The following TENT4B variants were observed in gnomAD, a reference collection of about 807,000 sequenced individuals.
TENT4B encodes PAP associated domain containing 5.
A neutral mutation model predicts 75.0 loss-of-function variants in TENT4B; 10 were observed. That is an observed-to-expected ratio of 0.13 (90% CI 0.08 to 0.23). The LOEUF is 0.23. Ranked by LOEUF, TENT4B falls within the 10% of genes least tolerant of loss-of-function variation. TENT4B has a pLI of 1.00. For missense variants in TENT4B, 579 were observed against 893.8 expected (o/e 0.65, Z 4.49); for synonymous variants, 350 against 357.7 (o/e 0.98, Z 0.24).
chr16:50,208,943 A>G (rs1413890701), intron 1 of TENT4B, among the ~76,000 whole-genome samples: 1 of 152,138 alleles, frequency 6.6e-6, no homozygotes, highest in Admixed American at 6.5e-5. Flanking sequence ...TGTTGGCCAG[A>G]TGGTCTCCAA....
chr16:50,159,496 G>A (rs1010977124), intron 1 of TENT4B, among the ~76,000 whole-genome samples: 4 of 151,824 alleles, frequency 2.6e-5, no homozygotes, highest in East Asian at 1.9e-4. Flanking sequence ...TGCCTCGGCC[G>A]CCCAAAGTGC....
At chr16:50,173,001 C>T (rs2038235127) in intron 1 of TENT4B, among the ~76,000 whole-genome samples, 1 of 151,888 alleles carries the variant, frequency 6.6e-6, no homozygotes, top group Admixed American at 6.6e-5. Flanking sequence ...AGTGCAGTGG[C>T]GCAATCTTGG....
At chr16:50,208,258 G>A (rs927669139) in intron 1 of TENT4B, among the ~76,000 whole-genome samples, 2 of 152,176 alleles carry the variant, frequency 1.3e-5, no homozygotes, top group African/African-American at 4.8e-5. Flanking sequence ...TAGGAAGGTG[G>A]TGCCATGGGC....
intron 1 of TENT4B, among the ~76,000 whole-genome samples, chr16:50,177,722 A>G (rs968879674): frequency 7.9e-5 from 12 of 151,864 alleles, no homozygotes; most frequent in African/African-American, 2.4e-4. Flanking sequence ...TTTGTTTTCA[A>G]TTTAATTGAT....
At chr16:50,173,444 C>T (rs77586504) in intron 1 of TENT4B, among the ~76,000 whole-genome samples, 5,618 of 152,178 alleles carry the variant, frequency 0.037, 161 homozygotes, top group Middle Eastern at 0.095. Flanking sequence ...ATTGTTGGAT[C>T]GTATGGTAAG....
intron 6 of TENT4B, 124 bp downstream of exon 6, chr16:50,222,558 G>A (rs2031876432): frequency 3.1e-6 from 3 of 975,742 alleles, no homozygotes; most frequent in Non-Finnish European, 4.5e-6. Flanking sequence ...ATTACTTAAC[G>A]GCTTTTCCCT....
intron 1 of TENT4B, among the ~76,000 whole-genome samples, chr16:50,190,831 G>T (rs1480751432): frequency 6.6e-6 from 1 of 151,866 alleles, no homozygotes; most frequent in Non-Finnish European, 1.5e-5. Flanking sequence ...TCCTCCATTT[G>T]AAACTCTGTA....
At chr16:50,181,560 C>T (rs1490029061) in intron 1 of TENT4B, among the ~76,000 whole-genome samples, 1 of 151,342 alleles carries the variant, frequency 6.6e-6, no homozygotes, top group East Asian at 1.9e-4. Flanking sequence ...CTGCCTCGGC[C>T]TTCCAGAGTG....
chr16:50,209,051 G>A (rs1353821124), intron 1 of TENT4B, among the ~76,000 whole-genome samples: 1 of 152,122 alleles, frequency 6.6e-6, no homozygotes, highest in African/African-American at 2.4e-5. Context: ...TTCTTAATAA[G>A]TTTCTTATGA....
chr16:50,160,308 C>A (rs901507589), intron 1 of TENT4B, among the ~76,000 whole-genome samples: 1 of 152,014 alleles, frequency 6.6e-6, no homozygotes, highest in African/African-American at 2.4e-5. Flanking sequence ...TTTTTTTCCC[C>A]CTTCGTCTTT....
intron 1 of TENT4B, among the ~76,000 whole-genome samples, chr16:50,183,334 G>A (rs1034997855): frequency 3.3e-5 from 5 of 151,950 alleles, no homozygotes; most frequent in Admixed American, 6.6e-5. Context: ...GTGAGCCACC[G>A]TGCCTGGCTG....
chr16:50,193,392 C>G (rs1209775490), intron 1 of TENT4B, among the ~76,000 whole-genome samples: 1 of 136,524 alleles, frequency 7.3e-6, no homozygotes, highest in Admixed American at 8.4e-5. Flanking sequence ...GGCTGGAGTG[C>G]AGTGGCACGA....
chr16:50,228,845 G>T (rs1022030295), intron 11 of TENT4B, among the ~76,000 whole-genome samples: 1 of 152,188 alleles, frequency 6.6e-6, no homozygotes, highest in Admixed American at 6.5e-5. Context: ...TTCCCGCTCT[G>T]TCACTTATGA....
At chr16:50,173,523 C>A (rs908649089) in intron 1 of TENT4B, among the ~76,000 whole-genome samples, 38 of 152,166 alleles carry the variant, frequency 2.5e-4, no homozygotes, top group African/African-American at 8.2e-4. Context: ...TGCATTCCCA[C>A]CAGCAATGAA....
At chr16:50,153,300 C>G (rs958040082), upstream of TENT4B, among the ~76,000 whole-genome samples, 2 of 142,894 alleles carry the variant, frequency 1.4e-5, no homozygotes, top group Admixed American at 7.0e-5. Context: ...GCCGCCGCCG[C>G]TCGCTCTTCT....
chr16:50,222,544 C>T (rs1179915076), intron 6 of TENT4B, 110 bp downstream of exon 6: 2 of 1,137,936 alleles, frequency 1.8e-6, no homozygotes, highest in Non-Finnish European at 2.5e-6. Context: ...CATTGCTTTC[C>T]TTGATTACTT....
intron 1 of TENT4B, among the ~76,000 whole-genome samples, chr16:50,194,713 A>T (rs1171613598): frequency 1.4e-5 from 2 of 147,474 alleles, no homozygotes; most frequent in South Asian, 4.3e-4. Context: ...CAGTAGCTGG[A>T]ACTACAGGCG....
Position 50,233,751 on chromosome 16 carries a change from A to T in TENT4B, c.*4423A>T. ...TTAAGTGTGTACTTTATTGAGTTTAACCTTGTCTGTAGCCTAGTAGCCTGA... is the reference window on the plus strand; with the variant it reads ...TTAAGTGTGTACTTTATTGAGTTTATCCTTGTCTGTAGCCTAGTAGCCTGA... On this transcript the variant is annotated 3_prime_UTR_variant, in exon 12 of 12. Transcript: ENST00000561678. 1.0e-6 allele frequency: 1 copy of T among 985,292 alleles called. No homozygotes were observed. The highest frequency in any genetic ancestry group is 1.2e-6 in the Non-Finnish European group (1 of 829,922). The allele number at this position is 985,292 out of a possible 1,614,324, so 61.0% of individuals were successfully genotyped here. A position where few individuals can be genotyped will look rare whatever the true frequency, so the allele number is the denominator to read the frequency against.
Position 50,211,356 on chromosome 16 carries a change from C to T in TENT4B, c.672C>T (p.Tyr224=). The T allele has an allele frequency of 6.2e-7, 1 of 1,607,230 alleles. No individual in the cohort carries two copies. Among genetic ancestry groups the T allele is most frequent in the Non-Finnish European group, 8.5e-7 (1 of 1,178,256 alleles). The part of the protein sequence containing the change: ...LHEEISDFYE[Y]MSPRPEEEKM... ...AAGAAATCAGTGATTTTTATGAATA[C>T]ATGTCTCCAAGACCTGAGGAGGAGA... The change falls in exon 2 of 12, where the codon TAC becomes TAT. Residue 224 remains tyrosine, a synonymous_variant. Coordinates refer to ENST00000561678, the MANE Select transcript of TENT4B (RefSeq NM_001365324.3).
Sources: gnomAD v4.1 joint callset for allele counts (sites outside exome capture counted in the v4.1 genomes callset) on GRCh38, gnomAD v4.1.1 for gene constraint, MANE v1.5 for transcripts, NCBI Gene and HGNC (gene_info 2026-07-23, HGNC 2026-07-21) for gene names.